Variants in TNFAIP8 observed in about 807,000 individuals in gnomAD.
The protein encoded by TNFAIP8 is tumor necrosis factor alpha-induced protein 8.
In TNFAIP8, 7 loss-of-function variants were observed where a neutral mutation model predicts 13.3. The observed-to-expected ratio is 0.52, with a 90% CI of 0.30 to 0.99. The LOEUF (loss-of-function observed/expected upper bound fraction) is 0.99, where lower values mean the gene tolerates loss of function less well. Ranked by LOEUF, TNFAIP8 falls within the 50% of genes least tolerant of loss-of-function variation. The pLI is 0.07. For missense variants in TNFAIP8, 258 were observed against 236.9 expected (o/e 1.09, Z -0.58); for synonymous variants, 94 against 87.6 (o/e 1.07, Z -0.41).
At chr5:119,280,317 T>TTA (rs1270857932) in intron 1 of TNFAIP8, among the ~76,000 whole-genome samples, 1 of 149,052 alleles carries the variant, frequency 6.7e-6, no homozygotes, top group African/African-American at 2.5e-5. Context: ...CCACTGAGTT[T>TTA]TAGTCTTACC....
intron 1 of TNFAIP8, among the ~76,000 whole-genome samples, chr5:119,337,083 C>T (rs1045474454): frequency 2.6e-5 from 4 of 152,198 alleles, no homozygotes; most frequent in African/African-American, 7.2e-5. Context: ...GGCATTGTCT[C>T]CTGTTTAATT....
intron 1 of TNFAIP8, among the ~76,000 whole-genome samples, chr5:119,373,993 T>C (rs1027048048): frequency 2.0e-5 from 3 of 152,246 alleles, no homozygotes; most frequent in Non-Finnish European, 4.4e-5. Flanking sequence ...TTATTTCTTA[T>C]GGTTTTAAAC....
At chr5:119,383,549 A>C (rs2112845405) in intron 1 of TNFAIP8, among the ~76,000 whole-genome samples, 1 of 152,346 alleles carries the variant, frequency 6.6e-6, no homozygotes. Context: ...TTTATGTGGA[A>C]TTATGGACAC....
chr5:119,304,258 A>G (rs185315582), intron 1 of TNFAIP8, among the ~76,000 whole-genome samples: 1 of 152,186 alleles, frequency 6.6e-6, no homozygotes, highest in African/African-American at 2.4e-5. Flanking sequence ...AGCTGGGATT[A>G]CAGGTGGCTT....
chr5:119,296,181 G>C (rs1461559110), intron 1 of TNFAIP8, among the ~76,000 whole-genome samples: 2 of 151,246 alleles, frequency 1.3e-5, no homozygotes, highest in Non-Finnish European at 2.9e-5. Flanking sequence ...GGAGTGGTGA[G>C]AGAGGGCATC....
chr5:119,351,924 G>T (rs536737753), upstream of TNFAIP8, among the ~76,000 whole-genome samples: 29 of 151,712 alleles, frequency 1.9e-4, no homozygotes, highest in African/African-American at 6.8e-4. Flanking sequence ...CAAGTAGCTG[G>T]GATTACAGGA....
At chr5:119,323,687 T>C (rs2112693032) in intron 1 of TNFAIP8, among the ~76,000 whole-genome samples, 1 of 152,296 alleles carries the variant, frequency 6.6e-6, no homozygotes, top group Admixed American at 6.5e-5. Flanking sequence ...AGCAAATCAG[T>C]TGTAATCTGT....
intron 1 of TNFAIP8, among the ~76,000 whole-genome samples, chr5:119,300,773 G>T (rs898579049): frequency 2.0e-5 from 3 of 152,122 alleles, no homozygotes; most frequent in Non-Finnish European, 2.9e-5. Flanking sequence ...CTTTATGGTT[G>T]CATTGGAACA....
intron 1 of TNFAIP8, among the ~76,000 whole-genome samples, chr5:119,277,306 A>G (rs1372232124): frequency 6.6e-6 from 1 of 152,218 alleles, no homozygotes; most frequent in Admixed American, 6.5e-5. Flanking sequence ...TCTTTAAACA[A>G]TGATCTTTTG....
chr5:119,300,440 AC>A (rs1234735941), intron 1 of TNFAIP8, among the ~76,000 whole-genome samples: 1 of 152,192 alleles, frequency 6.6e-6, no homozygotes, highest in Non-Finnish European at 1.5e-5. Flanking sequence ...ACCATCTAAA[AC>A]AAATGTTATT....
chr5:119,375,946 T>C (rs1254359159), intron 1 of TNFAIP8, among the ~76,000 whole-genome samples: 1 of 152,188 alleles, frequency 6.6e-6, no homozygotes, highest in African/African-American at 2.4e-5. Flanking sequence ...AAAACAATTA[T>C]TATTTTTCAA....
intron 1 of TNFAIP8, among the ~76,000 whole-genome samples, chr5:119,334,035 G>A (rs1480347434): frequency 1.3e-5 from 2 of 151,750 alleles, no homozygotes; most frequent in Non-Finnish European, 2.9e-5. Context: ...TGGTCTGGTA[G>A]CAGTGGTAAC....
chr5:119,276,124 T>C (rs1361322354), intron 1 of TNFAIP8, among the ~76,000 whole-genome samples: 4 of 152,044 alleles, frequency 2.6e-5, no homozygotes, highest in Admixed American at 6.5e-5. Flanking sequence ...TTTTTTTTTT[T>C]TTCTTTTTTT....
chr5:119,301,822 A>G (rs572341115), intron 1 of TNFAIP8, among the ~76,000 whole-genome samples: 2 of 152,374 alleles, frequency 1.3e-5, no homozygotes, highest in Non-Finnish European at 2.9e-5. Flanking sequence ...GATAAAATAT[A>G]TTCCAAGTGC....
At chr5:119,309,603 G>A (rs1395088260) in intron 1 of TNFAIP8, among the ~76,000 whole-genome samples, 2 of 152,210 alleles carry the variant, frequency 1.3e-5, no homozygotes, top group African/African-American at 2.4e-5. Context: ...GAAGAGCAGG[G>A]TGGGTAGTTC....
chr5:119,355,679 T>G, upstream of TNFAIP8: 1 of 329,254 alleles, frequency 3.0e-6, no homozygotes, highest in African/African-American at 2.2e-5. Flanking sequence ...GAGATGAGAC[T>G]TTTTTTTTCT....
intron 1 of TNFAIP8, among the ~76,000 whole-genome samples, chr5:119,298,633 C>T (rs930606832): frequency 1.4e-4 from 21 of 152,020 alleles, no homozygotes; most frequent in Non-Finnish European, 1.3e-4. Flanking sequence ...CTCTGTATTT[C>T]CTGAATCTGA....
At chr5:119,382,159 A>G (rs1752511516) in intron 1 of TNFAIP8, among the ~76,000 whole-genome samples, 1 of 152,190 alleles carries the variant, frequency 6.6e-6, no homozygotes, top group African/African-American at 2.4e-5. Flanking sequence ...ATAAGGCAGA[A>G]TCTTCTTTTT....
intron 1 of TNFAIP8, among the ~76,000 whole-genome samples, chr5:119,285,719 C>T (rs927012337): frequency 3.3e-5 from 5 of 152,120 alleles, no homozygotes; most frequent in African/African-American, 9.7e-5. Context: ...AATTTTGATA[C>T]AAAAAGCGTT....
Sources: gnomAD v4.1 joint callset for allele counts (sites outside exome capture counted in the v4.1 genomes callset) on GRCh38, gnomAD v4.1.1 for gene constraint, MANE v1.5 for transcripts, NCBI Gene and HGNC (gene_info 2026-07-23, HGNC 2026-07-21) for gene names.